Variants in GRIA2 observed in about 807,000 individuals in gnomAD.
GRIA2 encodes glutamate ionotropic receptor AMPA type subunit 2.
GRIA2 carries 14 observed loss-of-function variants against 97.3 expected under a neutral mutation model. The ratio of observed to expected loss-of-function variants is 0.14; its 90% CI spans 0.10 to 0.23. GRIA2 has a LOEUF of 0.23. Ranked by LOEUF, GRIA2 falls within the 10% of genes least tolerant of loss-of-function variation. The pLI, the probability that GRIA2 is intolerant of heterozygous loss-of-function variation, is 1.00. For missense variants in GRIA2, 558 were observed against 1,069.8 expected, an observed-to-expected ratio of 0.52 and a Z score of 6.67; for synonymous variants, 412 against 387.8, an observed-to-expected ratio of 1.06 and a Z score of -0.73.
chr4:157,302,775 T>G (rs1438935196), intron 2 of GRIA2, among the ~76,000 whole-genome samples: 1 of 152,132 alleles, frequency 6.6e-6, no homozygotes, highest in African/African-American at 2.4e-5. Context: ...ATGGACTGAC[T>G]TTTGGGGGAA....
intron 2 of GRIA2, among the ~76,000 whole-genome samples, chr4:157,223,906 C>G (rs1729626840): frequency 6.6e-6 from 1 of 152,032 alleles, no homozygotes; most frequent in African/African-American, 2.4e-5. Flanking sequence ...AGATAAAAGA[C>G]TGTGATTAGG....
Position 157,336,262 on chromosome 4 carries a change from A to T in GRIA2, c.1474-115A>T. The T allele has an allele frequency of 3.4e-6, 3 of 893,238 alleles. No homozygotes were observed. In the South Asian group the frequency reaches 5.2e-5, roughly 16 times the overall value. The allele number at this position is 893,238 out of a possible 1,614,324, so 55.3% of individuals were successfully genotyped here. A position where few individuals can be genotyped will look rare whatever the true frequency, so the allele number is the denominator to read the frequency against. ...CTTTACTGGGACTATACCAAGGAAAAAATTATTGTCATTTTTCTGATTTCC... is the reference window on the plus strand; with the variant it reads ...CTTTACTGGGACTATACCAAGGAAATAATTATTGTCATTTTTCTGATTTCC... On this transcript the variant is annotated intron_variant, in intron 10 of 15. Transcript: ENST00000264426.
chr4:157,221,630 T>A (rs774905233), intron 1 of GRIA2, 37 bp from the exon 2 acceptor site: 1 of 1,606,896 alleles, frequency 6.2e-7, no homozygotes, highest in Non-Finnish European at 8.5e-7. Context: ...CCCGGGGCAC[T>A]GACACTGTTC....
At chr4:157,248,568 T>TGTGTATATATATATAC (rs397995928) in intron 2 of GRIA2, among the ~76,000 whole-genome samples, 6 of 10,612 alleles carry the variant, frequency 5.7e-4, no homozygotes, top group African/African-American at 2.1e-3. Flanking sequence ...TATATATACG[T>TGTGTATATATATATAC]GTGTATATAT....
At chr4:157,320,619 CAAAG>C (rs1272712853) in intron 5 of GRIA2, among the ~76,000 whole-genome samples, 23 of 152,040 alleles carry the variant, frequency 1.5e-4, no homozygotes, top group East Asian at 1.9e-4. Flanking sequence ...ATATCAATAA[CAAAG>C]AAAAGATTCT....
intron 2 of GRIA2, among the ~76,000 whole-genome samples, chr4:157,297,352 A>T (rs1263913549): frequency 1.3e-5 from 2 of 152,138 alleles, no homozygotes; most frequent in Non-Finnish European, 2.9e-5. Context: ...TTTAGACTAA[A>T]GGAAAATATG....
chr4:157,248,610 T>C (rs1730863474), intron 2 of GRIA2, among the ~76,000 whole-genome samples: 1 of 130,446 alleles, frequency 7.7e-6, no homozygotes, highest in Non-Finnish European at 1.7e-5. Flanking sequence ...TATGTATATA[T>C]ACATGTATAT....
chr4:157,238,021 C>T (rs916636740), intron 2 of GRIA2, among the ~76,000 whole-genome samples: 7 of 151,970 alleles, frequency 4.6e-5, no homozygotes. Flanking sequence ...AACTAAAGAC[C>T]GCAATCTATA....
At chr4:157,273,115 G>A (rs1203520696) in intron 2 of GRIA2, among the ~76,000 whole-genome samples, 1 of 151,882 alleles carries the variant, frequency 6.6e-6, no homozygotes, top group East Asian at 1.9e-4. Flanking sequence ...TATTTACATA[G>A]CATTTTTATT....
chr4:157,335,905 G>C (rs1399213131), intron 10 of GRIA2, 28 bp downstream of exon 10: 2 of 1,408,380 alleles, frequency 1.4e-6, no homozygotes, highest in Admixed American at 1.7e-5. Flanking sequence ...CATAGATAAA[G>C]TCATTCAATT....
chr4:157,292,209 T>C (rs1161436692), intron 2 of GRIA2, among the ~76,000 whole-genome samples: 2 of 152,018 alleles, frequency 1.3e-5, no homozygotes, highest in Non-Finnish European at 2.9e-5. Context: ...AAAAGTGTAG[T>C]AATTAAAACA....
chr4:157,275,025 G>C (rs367831305), intron 2 of GRIA2, among the ~76,000 whole-genome samples: 49 of 151,374 alleles, frequency 3.2e-4, no homozygotes, highest in Non-Finnish European at 3.4e-4. Context: ...CCTCTCCAGC[G>C]CCTGTTGTTT....
chr4:157,280,644 C>T (rs1022415039), intron 2 of GRIA2, among the ~76,000 whole-genome samples: 3 of 151,770 alleles, frequency 2.0e-5, no homozygotes, highest in African/African-American at 7.3e-5. Flanking sequence ...TGCATGTATA[C>T]GTGTTTCCCA....
At chr4:157,326,207 C>T (rs1256166925) in intron 6 of GRIA2, among the ~76,000 whole-genome samples, 1 of 152,188 alleles carries the variant, frequency 6.6e-6, no homozygotes, top group African/African-American at 2.4e-5. Context: ...GTCTCCTGCA[C>T]TCCTTAGATC....
At chr4:157,350,573 GAA>G (rs908838467) in intron 12 of GRIA2, among the ~76,000 whole-genome samples, 6 of 139,292 alleles carry the variant, frequency 4.3e-5, no homozygotes, top group African/African-American at 1.0e-4. Context: ...TTTACATGGA[GAA>G]AAAAAAAAAG....
chr4:157,351,128 T>C (rs1489364227), intron 12 of GRIA2, among the ~76,000 whole-genome samples: 1 of 152,252 alleles, frequency 6.6e-6, no homozygotes, highest in East Asian at 1.9e-4. Context: ...GAAATCAGCA[T>C]TTGTATATGA....
intron 2 of GRIA2, among the ~76,000 whole-genome samples, chr4:157,301,386 C>A (rs1049785024): frequency 2.1e-4 from 32 of 152,178 alleles, no homozygotes; most frequent in African/African-American, 7.7e-4. Flanking sequence ...ACAGTTATTT[C>A]ATCTTTGCCT....
At chr4:157,241,911 A>G (rs1471791442) in intron 2 of GRIA2, among the ~76,000 whole-genome samples, 1 of 152,102 alleles carries the variant, frequency 6.6e-6, no homozygotes, top group Non-Finnish European at 1.5e-5. Flanking sequence ...AGAACAACTT[A>G]GGCAATGGCA....
At chr4:157,236,209 T>A (rs1046033507) in intron 2 of GRIA2, among the ~76,000 whole-genome samples, 1 of 152,044 alleles carries the variant, frequency 6.6e-6, no homozygotes, top group East Asian at 1.9e-4. Context: ...CTTGTGGTCT[T>A]TATATTTTGA....
Sources: allele counts gnomAD v4.1 joint callset (sites outside exome capture counted in the v4.1 genomes callset), GRCh38; gene constraint gnomAD v4.1.1; transcripts MANE v1.5; gene names NCBI Gene and HGNC (gene_info 2026-07-23, HGNC 2026-07-21).